ASAP2: variants seen among roughly 807,000 people sequenced by gnomAD.
ASAP2 encodes ArfGAP with SH3 domain, ankyrin repeat and PH domain 2.
In ASAP2, 45 loss-of-function variants were observed where a neutral mutation model predicts 131.4. The observed-to-expected ratio is 0.34, with a 90% CI of 0.27 to 0.44. ASAP2 has a LOEUF of 0.44. ASAP2 is among the 20% of genes least tolerant of loss of function. The pLI is 1.00. For synonymous variants in ASAP2, 510 were observed against 503.0 expected (o/e 1.01, Z -0.19); for missense variants, 1,011 against 1,297.0 (o/e 0.78, Z 3.39).
chr2:9,353,879 G>T (rs559819663), intron 12 of ASAP2, among the ~76,000 whole-genome samples: 1 of 151,746 alleles, frequency 6.6e-6, no homozygotes, highest in African/African-American at 2.4e-5. Context: ...GGAGGCTGAG[G>T]TGGGGGGATC....
rs1558403277 is a variant in ASAP2 at position 9,397,742 on chromosome 2, A to T, written c.2685-2281A>T. On this transcript the variant is annotated intron_variant, in intron 24 of 27. Transcript: ENST00000281419. The stretch of plus-strand genomic sequence containing the variant: ...AAATCAAAAGGATATATATATATAT[A>T]TATATATATTTTTTTTTTTTTTTTT... 4.4e-4 allele frequency among the ~76,000 whole-genome samples: 39 copies of T among 88,856 alleles called. 1 individual carries two copies. The highest frequency in any genetic ancestry group is 3.2e-3 in the African/African-American group (37 of 11,540). The allele number at this position is 88,856 out of a possible 152,430, so 58.3% of individuals were successfully genotyped here. A position where few individuals can be genotyped will look rare whatever the true frequency, so the allele number is the denominator to read the frequency against.
chr2:9,228,577 G>C (rs527363706), intron 1 of ASAP2, among the ~76,000 whole-genome samples: 1 of 152,308 alleles, frequency 6.6e-6, no homozygotes, highest in East Asian at 1.9e-4. Flanking sequence ...GCTTGGCAGA[G>C]TGAGCGGCCC....
intron 19 of ASAP2, among the ~76,000 whole-genome samples, chr2:9,380,340 G>A (rs1327437962): frequency 6.6e-6 from 1 of 152,142 alleles, no homozygotes; most frequent in African/African-American, 2.4e-5. Context: ...TGGGACCACA[G>A]GCATGTGCCA....
rs1015795947 is a variant in ASAP2 at position 9,217,831 on chromosome 2, G to C, written c.126+10601G>C. 4.6e-5 allele frequency among the ~76,000 whole-genome samples: 7 copies of C among 151,448 alleles called. No individual in the cohort carries two copies. Among genetic ancestry groups the C allele is most frequent in the Non-Finnish European group, 7.4e-5 (5 of 67,942 alleles). ...GGGTTTCACTGTGTTAGCCAGGATG[G>C]TCTTGATCTCCTGACCTCGTGAGGC... On this transcript the variant is annotated intron_variant, in intron 1 of 27. Transcript: ENST00000281419. The surrounding 1 kb of genome is among the most constrained non-coding windows in gnomAD (Gnocchi z 4.0).
At chr2:9,385,387 GT>G in intron 21 of ASAP2, 29 bp downstream of exon 21, 1 of 1,534,898 alleles carries the variant, frequency 6.5e-7, no homozygotes, top group South Asian at 1.1e-5. Flanking sequence ...ACCATTAAGA[GT>G]TTTGATCAGC....
rs570234582 is a variant in ASAP2, at chr2:9,384,928, G to A, written c.2017-317G>A. Among the ~76,000 whole-genome samples, 4 of 152,394 alleles carry A rather than the reference G, an allele frequency of 2.6e-5. No homozygotes were observed. The East Asian group carries it at 7.7e-4, about 29-fold the overall frequency. On this transcript the variant is annotated intron_variant, in intron 20 of 27. Coordinates refer to ENST00000281419, the MANE Select transcript of ASAP2 (RefSeq NM_003887.3). ...CCTGCCTTGGGGCAGGAGAAGTTCA[G>A]AGAGATTCTGTCTCCTGAGGCCTTA...
intron 21 of ASAP2, among the ~76,000 whole-genome samples, chr2:9,386,187 A>G (rs1486029927): frequency 6.6e-6 from 1 of 151,196 alleles, no homozygotes; most frequent in African/African-American, 2.4e-5. Flanking sequence ...ATGTGTATTG[A>G]GGATATCTAA....
At chr2:9,317,556 A>T (rs1311019218) in intron 3 of ASAP2, among the ~76,000 whole-genome samples, 3 of 123,966 alleles carry the variant, frequency 2.4e-5, no homozygotes, top group African/African-American at 9.2e-5. Flanking sequence ...TCACATCCAC[A>T]ATCACACTCT....
At chr2:9,374,357 G>A (rs537410742) in intron 16 of ASAP2, among the ~76,000 whole-genome samples, 1 of 152,374 alleles carries the variant, frequency 6.6e-6, no homozygotes, top group South Asian at 2.1e-4. Context: ...ACAGAGGTTG[G>A]CCAGGGCTGC....
intron 2 of ASAP2, among the ~76,000 whole-genome samples, chr2:9,283,830 C>A (rs552453556): frequency 6.6e-6 from 1 of 152,272 alleles, no homozygotes; most frequent in East Asian, 1.9e-4. Context: ...AAGATGTCCA[C>A]TTTCTCCTCT....
chr2:9,303,839 C>A (rs1186942865), intron 3 of ASAP2, among the ~76,000 whole-genome samples: 2 of 152,138 alleles, frequency 1.3e-5, no homozygotes, highest in Admixed American at 1.3e-4. Flanking sequence ...GATACGGTAA[C>A]CCCCATACAG....
rs1572302630 is a variant in ASAP2 at position 9,268,857 on chromosome 2, T to C, written c.127-10460T>C. On this transcript the variant is annotated intron_variant, in intron 1 of 27. Coordinates refer to ENST00000281419, the MANE Select transcript of ASAP2 (RefSeq NM_003887.3). This position sits in a 1 kb window ranked among gnomAD's most constrained non-coding sequence, Gnocchi z 4.1. Reference sequence around the variant, plus strand: ...GGCCTCTGCTCTCCCCAGGGCAGCATCTTCGGGTTCTAAGAAGGAAGCCAG... The same window carrying C: ...GGCCTCTGCTCTCCCCAGGGCAGCACCTTCGGGTTCTAAGAAGGAAGCCAG... Among the ~76,000 whole-genome samples the C allele has an allele frequency of 6.6e-6, 1 of 152,188 alleles. No individual in the cohort carries two copies. The highest frequency in any genetic ancestry group is 2.4e-5 in the African/African-American group (1 of 41,444).
intron 24 of ASAP2, among the ~76,000 whole-genome samples, chr2:9,397,297 C>T (rs1290092972): frequency 6.6e-6 from 1 of 152,198 alleles, no homozygotes; most frequent in East Asian, 1.9e-4. Context: ...TGGTTGTCAG[C>T]TGTGAGGTGC....
Position 9,268,242 on chromosome 2 carries a change from G to A in ASAP2, c.127-11075G>A, listed in dbSNP as rs1249644088. ...TCATCAGTTTATTCATTTTACCATC[G>A]ACATTTCGGTTTATCCAGTTGGGGG... On this transcript the variant is annotated intron_variant, in intron 1 of 27. Coordinates refer to ENST00000281419, the MANE Select transcript of ASAP2 (RefSeq NM_003887.3). This position sits in a 1 kb window ranked among gnomAD's most constrained non-coding sequence, Gnocchi z 4.1. Among the ~76,000 whole-genome samples the A allele has an allele frequency of 9.9e-5, 15 of 152,210 alleles. No individual in the cohort carries two copies. The highest frequency in any genetic ancestry group is 1.9e-4 in the Non-Finnish European group (13 of 68,014).
At chr2:9,244,036 A>G (rs1221744049) in intron 1 of ASAP2, among the ~76,000 whole-genome samples, 3 of 152,216 alleles carry the variant, frequency 2.0e-5, no homozygotes, top group African/African-American at 4.8e-5. Context: ...ACGTTGGCTC[A>G]TAACGATAAT....
intron 17 of ASAP2, 132 bp from the exon 18 acceptor site, chr2:9,376,776 T>C (rs1674432180): frequency 2.6e-6 from 2 of 775,664 alleles, no homozygotes; most frequent in East Asian, 5.1e-5. Flanking sequence ...AAAGAGACTC[T>C]ATGTAAGAGA....
intron 15 of ASAP2, among the ~76,000 whole-genome samples, chr2:9,367,409 GTTTTCTCAAA>G (rs1673565650): frequency 1.3e-5 from 2 of 152,170 alleles, no homozygotes; most frequent in Non-Finnish European, 2.9e-5. Context: ...ATGAAAATAT[GTTTTCTCAAA>G]GCACTGAGCT....
rs1369237678 is a variant in ASAP2 at position 9,268,401 on chromosome 2, C to T, written c.127-10916C>T. On this transcript the variant is annotated intron_variant, in intron 1 of 27. Coordinates refer to ENST00000281419, the MANE Select transcript of ASAP2 (RefSeq NM_003887.3). The surrounding 1 kb of genome is among the most constrained non-coding windows in gnomAD (Gnocchi z 4.1). ...TCTGTCCTTAGGCACACACTTTCCT[C>T]AGCTGTGACTTAGCTCAGACGTCTA... is the stretch of plus-strand genomic sequence containing the variant. Among the ~76,000 whole-genome samples, 3 of 152,172 alleles carry T rather than the reference C, an allele frequency of 2.0e-5. No homozygotes were observed. Among genetic ancestry groups the T allele is most frequent in the Non-Finnish European group, 4.4e-5 (3 of 68,042 alleles).
chr2:9,230,719 G>A (rs959876770), intron 1 of ASAP2, among the ~76,000 whole-genome samples: 6 of 152,250 alleles, frequency 3.9e-5, no homozygotes, highest in South Asian at 2.1e-4. Context: ...AGGCAAGGAC[G>A]TTGTTTCACC....
Sources: gnomAD v4.1 joint callset for allele counts (sites outside exome capture counted in the v4.1 genomes callset) on GRCh38, gnomAD v4.1.1 for gene constraint, Gnocchi (gnomAD v3.1) non-coding constraint, MANE v1.5 for transcripts, NCBI Gene and HGNC (gene_info 2026-07-23, HGNC 2026-07-21) for gene names.